ABCB9: variants seen among roughly 807,000 people sequenced by gnomAD.
ABCB9 encodes ATP binding cassette subfamily B member 9, also known as ABC-type oligopeptide transporter ABCB9.
In ABCB9, 36 loss-of-function variants were observed where a neutral mutation model predicts 62.0. The ratio of observed to expected loss-of-function variants is 0.58; its 90% CI spans 0.45 to 0.77. The LOEUF is 0.77. ABCB9 is among the 30% of genes least tolerant of loss of function. The probability of loss-of-function intolerance (pLI) is 0.00; values close to 1 mark genes in which losing one functional copy is unlikely to be tolerated. For missense variants in ABCB9, 943 were observed against 1,054.7 expected (o/e 0.89, Z 1.47); for synonymous variants, 435 against 461.4 (o/e 0.94, Z 0.73).
At chr12:122,965,646 C>T (rs1365859330) in intron 1 of ABCB9, among the ~76,000 whole-genome samples, 2 of 152,162 alleles carry the variant, frequency 1.3e-5, no homozygotes, top group African/African-American at 2.4e-5. Context: ...CTGCACTATC[C>T]GGAAAAGGGG....
chr12:122,945,740 T>C (rs1482044236), intron 6 of ABCB9, among the ~76,000 whole-genome samples: 1 of 151,880 alleles, frequency 6.6e-6, no homozygotes, highest in Non-Finnish European at 1.5e-5. Context: ...TAGCCAGGCA[T>C]GGTGGCGGGC....
intron 10 of ABCB9, among the ~76,000 whole-genome samples, chr12:122,934,089 CA>C (rs1405690991): frequency 2.7e-5 from 4 of 150,862 alleles, no homozygotes; most frequent in Non-Finnish European, 4.4e-5. Context: ...ACTAACAATA[CA>C]AAAAAAAATT....
chr12:122,957,195 C>T (rs1028200790), intron 2 of ABCB9, among the ~76,000 whole-genome samples: 1 of 152,034 alleles, frequency 6.6e-6, no homozygotes, highest in South Asian at 2.1e-4. Context: ...CAAGTACCAC[C>T]ATGCCCAGCT....
rs1019319729 is a variant in ABCB9 at position 122,940,594 on chromosome 12, C to A, written c.1569+213G>T. Among the ~76,000 whole-genome samples, 11 of 152,220 alleles carry A rather than the reference C, an allele frequency of 7.2e-5. No individual in the cohort carries two copies. The highest frequency in any genetic ancestry group is 1.3e-4 in the Non-Finnish European group (9 of 68,036). ...CCATTCCCATGGACCATCCCTACCA[C>A]AGCACCCTGATCTATTTTCTTTCTA... On this transcript the variant is annotated intron_variant, in intron 8 of 11. Transcript: ENST00000280560. This position sits in a 1 kb window ranked among gnomAD's most constrained non-coding sequence, Gnocchi z 4.8.
intron 1 of ABCB9, among the ~76,000 whole-genome samples, chr12:122,972,037 CTTTTTTT>C (rs57112984): frequency 6.0e-5 from 6 of 99,284 alleles, no homozygotes; most frequent in Admixed American, 1.3e-4. Flanking sequence ...TTCATAATGT[CTTTTTTT>C]TTTTTTTTTT....
intron 11 of ABCB9, among the ~76,000 whole-genome samples, chr12:122,931,012 TTTTTTG>T (rs1436272991): frequency 6.6e-6 from 1 of 151,950 alleles, no homozygotes; most frequent in South Asian, 2.1e-4. Context: ...CCCCATTCTG[TTTTTTG>T]TTTTTGTTTG....
At chr12:122,941,978 C>T (rs2135812991) in intron 7 of ABCB9, among the ~76,000 whole-genome samples, 1 of 152,204 alleles carries the variant, frequency 6.6e-6, no homozygotes, top group Middle Eastern at 3.4e-3. Flanking sequence ...ATCCGCCTGC[C>T]TCAGCCTCCC....
At chr12:122,943,358 C>T (rs1343649555) in intron 7 of ABCB9, among the ~76,000 whole-genome samples, 1 of 152,198 alleles carries the variant, frequency 6.6e-6, no homozygotes, top group Non-Finnish European at 1.5e-5. Flanking sequence ...AATTCTGTCT[C>T]AGGATCTGCT....
rs1262117719 is a variant in ABCB9, at chr12:122,930,248, GGCTGAT to G, written c.2041-83_2041-78del. The G allele has an allele frequency of 3.8e-5, 53 of 1,377,264 alleles. No homozygotes were observed. Among genetic ancestry groups the G allele is most frequent in the Non-Finnish European group, 5.1e-5 (52 of 1,022,586 alleles). 85.3% of individuals were successfully genotyped at this position (1,377,264 alleles called of 1,614,324 possible). A position where few individuals can be genotyped will look rare whatever the true frequency, so the allele number is the denominator to read the frequency against. On this transcript the variant is annotated intron_variant, in intron 11 of 11. Transcript: ENST00000280560. The surrounding 1 kb of genome is among the most constrained non-coding windows in gnomAD (Gnocchi z 4.9). ...ACCGTGCTTCATGCCACGGCCTATG[GGCTGAT>G]GCTTAACCTCTCTGAGGCTCAGTTC...
Position 122,960,336 on chromosome 12 carries a change from A to G in ABCB9, c.-87-14T>C, listed in dbSNP as rs1417389159. On this transcript the variant is annotated splice_polypyrimidine_tract_variant and intron_variant, in intron 1 of 11. Coordinates refer to ENST00000280560, the MANE Select transcript of ABCB9 (RefSeq NM_019625.4). Reference sequence around the variant, plus strand: ...GCGAGGCCAGGCCTGTAGGGACAACAGCAAACATCAGCACAAGGGGTTCAG... The same window carrying G: ...GCGAGGCCAGGCCTGTAGGGACAACGGCAAACATCAGCACAAGGGGTTCAG... 1 of 1,449,912 alleles carries G rather than the reference A, an allele frequency of 6.9e-7. No homozygotes were observed. Among genetic ancestry groups the G allele is most frequent in the Non-Finnish European group, 9.2e-7 (1 of 1,090,850 alleles). The allele number at this position is 1,449,912 out of a possible 1,614,324, so 89.8% of individuals were successfully genotyped here. A position where few individuals can be genotyped will look rare whatever the true frequency, so the allele number is the denominator to read the frequency against.
chr12:122,936,442 T>C (rs963903060), intron 9 of ABCB9, among the ~76,000 whole-genome samples: 1 of 152,316 alleles, frequency 6.6e-6, no homozygotes, highest in Middle Eastern at 3.4e-3. Flanking sequence ...CATTTTATTG[T>C]TTTATGTTTA....
intron 3 of ABCB9, 47 bp from the exon 4 acceptor site, chr12:122,949,965 G>T: frequency 6.2e-7 from 1 of 1,610,954 alleles, no homozygotes; most frequent in South Asian, 1.1e-5. Context: ...TTCCAGACCA[G>T]TGACCACACC....
At chr12:122,923,833 C>T (rs951663805) in intron 11 of ABCB9, among the ~76,000 whole-genome samples, 2 of 152,176 alleles carry the variant, frequency 1.3e-5, no homozygotes, top group Admixed American at 6.5e-5. Context: ...CCAGGGCCAT[C>T]GGGCTTAACC....
intron 2 of ABCB9, among the ~76,000 whole-genome samples, chr12:122,955,723 T>G (rs1483737098): frequency 2.0e-5 from 3 of 151,778 alleles, no homozygotes; most frequent in Non-Finnish European, 2.9e-5. Context: ...TTGTTTTTTT[T>G]TTTTTTGAGA....
Position 122,932,560 on chromosome 12 carries a change from A to G in ABCB9, c.1904-232T>C, listed in dbSNP as rs1271288425. 5.9e-5 allele frequency among the ~76,000 whole-genome samples: 9 copies of G among 152,208 alleles called. No individual in the cohort carries two copies. The highest frequency in any genetic ancestry group is 1.3e-4 in the Non-Finnish European group (9 of 68,030). On this transcript the variant is annotated intron_variant, in intron 10 of 11. Transcript: ENST00000280560. This position sits in a 1 kb window ranked among gnomAD's most constrained non-coding sequence, Gnocchi z 4.7. ...CACTCATTCATTTGGCAGAAACCCA[A>G]ACATCTGATAGCACACAGTGCAGGT...
At chr12:122,962,969 C>T (rs912030945) in intron 1 of ABCB9, among the ~76,000 whole-genome samples, 13 of 152,156 alleles carry the variant, frequency 8.5e-5, no homozygotes, top group Non-Finnish European at 2.9e-5. Context: ...GTGTTCTTCA[C>T]CCCTAAACTA....
chr12:122,930,023 TGG>T lies in ABCB9; in HGVS notation c.2187_2188del (p.Gln730GlyfsTer73), dbSNP rs1214068793. The T allele has an allele frequency of 6.4e-7, 1 of 1,573,990 alleles. No homozygotes were observed. The highest frequency in any genetic ancestry group is 8.6e-7 in the Non-Finnish European group (1 of 1,161,174). On this transcript the variant is annotated frameshift_variant, in exon 12 of 12. Transcript: ENST00000280560. LOFTEE classifies it low-confidence loss of function (END_TRUNC). The surrounding 1 kb of genome is among the most constrained non-coding windows in gnomAD (Gnocchi z 4.9). ...CACCAGCTTGGCGTAGAGGCCGCCC[TGG>T]GCCAGCAGCTGCTGGTGGGTGCCCT...
intron 9 of ABCB9, among the ~76,000 whole-genome samples, chr12:122,938,302 G>A (rs1385182849): frequency 6.6e-6 from 1 of 152,200 alleles, no homozygotes. Flanking sequence ...GGGAGGCTGA[G>A]GCAGGAGGAT....
chr12:122,924,565 AC>A, downstream of ABCB9: 1 of 1,316,908 alleles, frequency 7.6e-7, no homozygotes, highest in Non-Finnish European at 9.9e-7. Flanking sequence ...CTGAGCACAT[AC>A]TATGTGTCAG....
Sources: allele counts gnomAD v4.1 joint callset (sites outside exome capture counted in the v4.1 genomes callset), GRCh38; gene constraint gnomAD v4.1.1; non-coding constraint Gnocchi (gnomAD v3.1); transcripts MANE v1.5; gene names NCBI Gene and HGNC (gene_info 2026-07-23, HGNC 2026-07-21).